LBH: variants seen among roughly 807,000 people sequenced by gnomAD.
LBH encodes LBH regulator of Wnt signaling pathway.
A neutral mutation model predicts 12.5 loss-of-function variants in LBH; 7 were observed. The ratio of observed to expected loss-of-function variants is 0.56; its 90% CI spans 0.32 to 1.05. The LOEUF (loss-of-function observed/expected upper bound fraction) is 1.05, where lower values mean the gene tolerates loss of function less well. Among genes scored for constraint, LBH ranks in the 50% least tolerant of loss-of-function variants. The probability of loss-of-function intolerance (pLI) is 0.04; values close to 1 mark genes in which losing one functional copy is unlikely to be tolerated. For synonymous variants in LBH, 51 were observed against 50.1 expected, an observed-to-expected ratio of 1.02 and a Z score of -0.08; for missense variants, 119 against 138.9, an observed-to-expected ratio of 0.86 and a Z score of 0.72.
intron 2 of LBH, among the ~76,000 whole-genome samples, chr2:30,239,983 T>A (rs570048838): frequency 2.6e-5 from 4 of 152,148 alleles, no homozygotes; most frequent in Non-Finnish European, 5.9e-5. Context: ...TTCTTCACTT[T>A]CCCAGCCAAC....
intron 2 of LBH, among the ~76,000 whole-genome samples, chr2:30,252,259 C>CT (rs1229819222): frequency 2.6e-5 from 4 of 152,214 alleles, no homozygotes; most frequent in African/African-American, 9.7e-5. Context: ...TTGCTCGGCA[C>CT]TTCTCTCTCC....
intron 2 of LBH, among the ~76,000 whole-genome samples, chr2:30,236,807 C>T (rs1313661421): frequency 1.3e-5 from 2 of 152,110 alleles, no homozygotes; most frequent in East Asian, 1.9e-4. Context: ...GAAATCCAGC[C>T]GACAGAATCA....
chr2:30,247,851 G>A (rs919207247), intron 2 of LBH, among the ~76,000 whole-genome samples: 5 of 152,236 alleles, frequency 3.3e-5, no homozygotes, highest in African/African-American at 1.2e-4. Flanking sequence ...ATGATGCCAA[G>A]TATGGTTTGC....
intron 2 of LBH, among the ~76,000 whole-genome samples, chr2:30,247,275 G>A (rs911553586): frequency 3.9e-5 from 6 of 152,098 alleles, no homozygotes; most frequent in African/African-American, 1.4e-4. Context: ...GGAAAATATA[G>A]GTTCACCAAG....
intron 2 of LBH, among the ~76,000 whole-genome samples, chr2:30,242,219 CAT>C (rs1435320046): frequency 1.3e-5 from 2 of 151,814 alleles, no homozygotes; most frequent in Non-Finnish European, 2.9e-5. Flanking sequence ...TATACTGTTA[CAT>C]ATATGTTATT....
chr2:30,241,246 TCACA>T (rs1267858876), intron 2 of LBH, among the ~76,000 whole-genome samples: 3 of 152,120 alleles, frequency 2.0e-5, no homozygotes, highest in African/African-American at 7.2e-5. Context: ...ACACACACAT[TCACA>T]CACACAACTG....
intron 2 of LBH, chr2:30,256,701 G>C (rs1015394052): frequency 6.6e-6 from 1 of 152,112 alleles, no homozygotes; most frequent in African/African-American, 2.4e-5. Context: ...TGTATTTTTA[G>C]TAGTTTACCA....
At chr2:30,251,086 G>A (rs1036921633) in intron 2 of LBH, among the ~76,000 whole-genome samples, 2 of 74,532 alleles carry the variant, frequency 2.7e-5, no homozygotes, top group African/African-American at 5.5e-5. Flanking sequence ...AAAGGGTCTT[G>A]TTTCGTCACC....
At chr2:30,252,234 G>A (rs1677992695) in intron 2 of LBH, among the ~76,000 whole-genome samples, 1 of 152,122 alleles carries the variant, frequency 6.6e-6, no homozygotes, top group African/African-American at 2.4e-5. Context: ...GGTTTTATAA[G>A]GGGCTTTTCT....
chr2:30,245,234 C>A (rs1677851733), intron 2 of LBH, among the ~76,000 whole-genome samples: 1 of 152,084 alleles, frequency 6.6e-6, no homozygotes, highest in Admixed American at 6.6e-5. Context: ...GACTTAAGAG[C>A]TTGTTCTTGA....
At chr2:30,245,935 G>C (rs375627714) in intron 2 of LBH, among the ~76,000 whole-genome samples, 3 of 148,218 alleles carry the variant, frequency 2.0e-5, no homozygotes, top group Admixed American at 2.0e-4. Flanking sequence ...AAAATATGTT[G>C]TTTTTCAACC....
At position 30,259,565 on chromosome 2, in the gene LBH, T is replaced by A. The variant is rs1274224778; in HGVS notation, c.*1944T>A. The stretch of plus-strand genomic sequence containing the variant: ...TGGTGTCTTCCCTTATCTGCTACCC[T>A]GAATCACCTGTCCTGGTCTTGCTGT... On this transcript the variant is annotated 3_prime_UTR_variant, in exon 3 of 3. Coordinates refer to ENST00000395323, the MANE Select transcript of LBH (RefSeq NM_030915.4). 1 of 152,816 alleles carries A rather than the reference T, an allele frequency of 6.5e-6. No individual in the cohort carries two copies. The highest frequency in any genetic ancestry group is 2.4e-5 in the African/African-American group (1 of 41,462). 9.5% of individuals were successfully genotyped at this position (152,816 alleles called of 1,614,324 possible). A position where few individuals can be genotyped will look rare whatever the true frequency, so the allele number is the denominator to read the frequency against.
rs984916346 is a variant in LBH, at chr2:30,257,410, C to G, written c.130-23C>G. On this transcript the variant is annotated intron_variant, in intron 2 of 2. Transcript: ENST00000395323. The stretch of plus-strand genomic sequence containing the variant: ...CTTTTCAAATATCTACGTGACCAGG[C>G]ACCTGCTCTGCTTTTCTTTCAGATC... 1.9e-6 allele frequency: 3 copies of G among 1,613,294 alleles called. No individual in the cohort carries two copies. In the Admixed American group the frequency reaches 5.0e-5, roughly 27 times the overall value.
intron 1 of LBH, chr2:30,232,197 G>A (rs1572374295): frequency 6.6e-7 from 1 of 1,503,982 alleles, no homozygotes; most frequent in Non-Finnish European, 8.9e-7. Context: ...GCAGCAGCGG[G>A]GCTGAGCTGG....
intron 2 of LBH, among the ~76,000 whole-genome samples, chr2:30,239,768 G>A (rs1677755267): frequency 6.6e-6 from 1 of 152,176 alleles, no homozygotes; most frequent in Non-Finnish European, 1.5e-5. Flanking sequence ...AGTGGCACTG[G>A]GCCCGTGTCT....
chr2:30,252,497 C>T (rs1332057294), intron 2 of LBH, among the ~76,000 whole-genome samples: 1 of 152,090 alleles, frequency 6.6e-6, no homozygotes, highest in Non-Finnish European at 1.5e-5. Context: ...ATCGTCTCTA[C>T]TAAAAATACA....
rs745735769 is a variant in LBH, at chr2:30,257,658, A to G, written c.*37A>G. On this transcript the variant is annotated 3_prime_UTR_variant, in exon 3 of 3. Coordinates refer to ENST00000395323, the MANE Select transcript of LBH (RefSeq NM_030915.4). Reference sequence around the variant, plus strand: ...ACTCCCATGGGTCATACCAGCCAGCATCTGTTCCTGAACTGTGTTTTTCCC... The same window carrying G: ...ACTCCCATGGGTCATACCAGCCAGCGTCTGTTCCTGAACTGTGTTTTTCCC... 2 of 1,473,486 alleles carry G rather than the reference A, an allele frequency of 1.4e-6. No individual in the cohort carries two copies. The highest frequency in any genetic ancestry group is 1.8e-6 in the Non-Finnish European group (2 of 1,081,834). 91.3% of individuals were successfully genotyped at this position (1,473,486 alleles called of 1,614,324 possible).
chr2:30,231,596 C>A lies in LBH; in HGVS notation c.-143C>A. 1.3e-6 allele frequency: 1 copy of A among 747,076 alleles called. No individual in the cohort carries two copies. Among genetic ancestry groups the A allele is most frequent in the Non-Finnish European group, 2.3e-6 (1 of 427,874 alleles). The allele number at this position is 747,076 out of a possible 1,614,324, so 46.3% of individuals were successfully genotyped here. On this transcript the variant is annotated 5_prime_UTR_variant, in exon 1 of 3. It adds an upstream start codon to the 5' untranslated region. Coordinates refer to ENST00000395323, the MANE Select transcript of LBH (RefSeq NM_030915.4). ...CTTGCCGACGTCGCTAGCCGTGGGG[C>A]TGTCCTGGGAAGGCGGACGGCGAGC...
At position 30,234,165 on chromosome 2, in the gene LBH, G is replaced by A. The variant is rs1677639549; in HGVS notation, c.27-240G>A. 2.9e-5 allele frequency: 15 copies of A among 516,184 alleles called. No individual in the cohort carries two copies. In the South Asian group the frequency reaches 3.6e-4, roughly 12 times the overall value. 32.0% of individuals were successfully genotyped at this position (516,184 alleles called of 1,614,324 possible). A position where few individuals can be genotyped will look rare whatever the true frequency, so the allele number is the denominator to read the frequency against. On this transcript the variant is annotated intron_variant, in intron 1 of 2. Coordinates refer to ENST00000395323, the MANE Select transcript of LBH (RefSeq NM_030915.4). ...GGGGACTAGAGTACAGGAGAGGAGG[G>A]AAGAGGTTTGCCAGAGAGGTCTGCA...
Sources: allele counts gnomAD v4.1 joint callset (sites outside exome capture counted in the v4.1 genomes callset), GRCh38; gene constraint gnomAD v4.1.1; transcripts MANE v1.5; gene names NCBI Gene and HGNC (gene_info 2026-07-23, HGNC 2026-07-21).